CNOT11: variants seen among roughly 807,000 people sequenced by gnomAD.
The protein encoded by CNOT11 is CCR4-NOT transcription complex subunit 11.
CNOT11 carries 18 observed loss-of-function variants against 44.6 expected under a neutral mutation model. The observed-to-expected ratio is 0.40, with a 90% CI of 0.28 to 0.60. CNOT11 has a LOEUF of 0.60. CNOT11 is among the 20% of genes least tolerant of loss of function. CNOT11 has a pLI of 0.38. For missense variants in CNOT11, 513 were observed against 677.0 expected (o/e 0.76, Z 2.69); for synonymous variants, 291 against 270.9 (o/e 1.07, Z -0.73).
At chr2:101,258,090 C>A in intron 2 of CNOT11, 135 bp downstream of exon 2, 1 of 899,876 alleles carries the variant, frequency 1.1e-6, no homozygotes, top group Non-Finnish European at 1.6e-6. Flanking sequence ...AGTTTTAGTA[C>A]TGGATCTTAA....
rs564362703 is a variant in CNOT11 at position 101,270,076 on chromosome 2, GT to G, written c.*675del. ...TTACCAGGCTGTAATAGCTGGTATA[GT>G]TTTTTTTTTTTCTCTTAAGATGTTC... is the stretch of plus-strand genomic sequence containing the variant. On this transcript the variant is annotated 3_prime_UTR_variant, in exon 7 of 7. Coordinates refer to ENST00000289382, the MANE Select transcript of CNOT11 (RefSeq NM_017546.5). The G allele has an allele frequency of 9.4e-4, 138 of 147,236 alleles. No homozygotes were observed. Among genetic ancestry groups the G allele is most frequent in the Middle Eastern group, 3.5e-3 (1 of 284 alleles). 9.1% of individuals were successfully genotyped at this position (147,236 alleles called of 1,614,324 possible).
Position 101,257,964 on chromosome 2 carries a change from G to C in CNOT11, c.679+9G>C, listed in dbSNP as rs1008872041. The C allele has an allele frequency of 7.5e-6, 12 of 1,608,296 alleles. No homozygotes were observed. The highest frequency in any genetic ancestry group is 1.0e-5 in the Non-Finnish European group (12 of 1,176,816). On this transcript the variant is annotated intron_variant, in intron 2 of 6. Transcript: ENST00000289382. ...TCAGTTAGCCTTGGCCGGTAAGGAG[G>C]AATCAGTGTTTTGGGCATTTCTGTG...
At chr2:101,263,229 A>T (rs1681908950) in intron 3 of CNOT11, among the ~76,000 whole-genome samples, 1 of 152,064 alleles carries the variant, frequency 6.6e-6, no homozygotes, top group Admixed American at 6.6e-5. Context: ...AAAAAAAAAA[A>T]TACAGATTCT....
At position 101,269,527 on chromosome 2, in the gene CNOT11, A is replaced by G. The variant is rs991509750; in HGVS notation, c.*114A>G. The G allele has an allele frequency of 6.0e-6, 5 of 834,724 alleles. No homozygotes were observed. The Admixed American group carries it at 8.8e-5, about 15-fold the overall frequency. 51.7% of individuals were successfully genotyped at this position (834,724 alleles called of 1,614,324 possible). A position where few individuals can be genotyped will look rare whatever the true frequency, so the allele number is the denominator to read the frequency against. On this transcript the variant is annotated 3_prime_UTR_variant, in exon 7 of 7. Coordinates refer to ENST00000289382, the MANE Select transcript of CNOT11 (RefSeq NM_017546.5). The surrounding 1 kb of genome is among the most constrained non-coding windows in gnomAD (Gnocchi z 4.8). ...GTTTAATGCATATAAACAGTACTTT[A>G]TCTACTTAAAGCAAAGTTTTGCTTT...
Position 101,269,577 on chromosome 2 carries a change from G to A in CNOT11, c.*164G>A. On this transcript the variant is annotated 3_prime_UTR_variant, in exon 7 of 7. Transcript: ENST00000289382. This position sits in a 1 kb window ranked among gnomAD's most constrained non-coding sequence, Gnocchi z 4.8. The stretch of plus-strand genomic sequence containing the variant: ...TCTTGAATGACTTTTTCTGTGAGAT[G>A]AATTTTTGATAAGAACTAGGGAAAA... 1 of 552,298 alleles carries A rather than the reference G, an allele frequency of 1.8e-6. No individual in the cohort carries two copies. The highest frequency in any genetic ancestry group is 3.1e-5 in the South Asian group (1 of 32,774). The allele number at this position is 552,298 out of a possible 1,614,324, so 34.2% of individuals were successfully genotyped here. A position where few individuals can be genotyped will look rare whatever the true frequency, so the allele number is the denominator to read the frequency against.
Position 101,253,403 on chromosome 2 carries a change from G to A in CNOT11, c.439G>A (p.Ala147Thr). ...TEPLAANPFA[A>T]SFAHLLNPAP... is the part of the protein sequence containing the mutation. ...GCCGCTGGCCGCCAACCCCTTCGCC[G>A]CCAGCTTCGCGCACCTGCTCAACCC... The change falls in exon 1 of 7, where the codon GCC becomes ACC. Residue 147 changes from alanine (A) to threonine (T), a missense_variant. Transcript: ENST00000289382. The surrounding 1 kb of genome is among the most constrained non-coding windows in gnomAD (Gnocchi z 4.3). The A allele has an allele frequency of 2.5e-6, 4 of 1,587,184 alleles. No individual in the cohort carries two copies. The highest frequency in any genetic ancestry group is 2.3e-5 in the East Asian group (1 of 43,618).
chr2:101,258,944 G>C (rs1457935154), intron 2 of CNOT11, among the ~76,000 whole-genome samples: 1 of 152,174 alleles, frequency 6.6e-6, no homozygotes, highest in African/African-American at 2.4e-5. Context: ...GACTAGCCTG[G>C]GCAACATAAG....
At chr2:101,258,034 G>T in intron 2 of CNOT11, 79 bp downstream of exon 2, 1 of 1,366,742 alleles carries the variant, frequency 7.3e-7, no homozygotes, top group Non-Finnish European at 1.0e-6. Flanking sequence ...CTAAAATGAT[G>T]TTTTTTGTAA....
At chr2:101,263,938 A>C (rs1001058494) in intron 3 of CNOT11, among the ~76,000 whole-genome samples, 60 of 152,346 alleles carry the variant, frequency 3.9e-4, no homozygotes, top group African/African-American at 1.3e-3. Flanking sequence ...ATTGTTAAAA[A>C]CTTTATTTTT....
intron 2 of CNOT11, among the ~76,000 whole-genome samples, chr2:101,259,154 C>T (rs547435911): frequency 3.9e-5 from 6 of 152,196 alleles, no homozygotes; most frequent in Admixed American, 2.6e-4. Flanking sequence ...TAGCCAAAAC[C>T]CAACGTTCTC....
chr2:101,269,235 T>G lies in CNOT11; in HGVS notation c.1355T>G (p.Val452Gly), dbSNP rs1327789809. The change falls in exon 7 of 7, where the codon GTG becomes GGG. Residue 452 changes from valine (V) to glycine (G), a missense_variant. By Grantham distance (109) the Val-to-Gly change is moderately radical (BLOSUM62 -3). Transcript: ENST00000289382. This position sits in a 1 kb window ranked among gnomAD's most constrained non-coding sequence, Gnocchi z 4.8. Reference sequence around the variant, plus strand: ...TTTCAGAATCGGTTGGTGCGTCTTGTGTGTGTGTTTCTCCAATCCTTGATC... The same window carrying G: ...TTTCAGAATCGGTTGGTGCGTCTTGGGTGTGTGTTTCTCCAATCCTTGATC... ...KYMQNRLVRL[V>G]CVFLQSLIRN... 6.2e-7 allele frequency: 1 copy of G among 1,613,820 alleles called. No homozygotes were observed. The highest frequency in any genetic ancestry group is 1.7e-5 in the Admixed American group (1 of 59,990).
intron 5 of CNOT11, among the ~76,000 whole-genome samples, chr2:101,267,985 GAACT>G (rs1316143598): frequency 6.6e-6 from 1 of 152,160 alleles, no homozygotes; most frequent in Non-Finnish European, 1.5e-5. Flanking sequence ...ATGTGAAATT[GAACT>G]ACAGAATGTG....
chr2:101,255,368 GC>G (rs1681714999), intron 1 of CNOT11, among the ~76,000 whole-genome samples: 1 of 152,128 alleles, frequency 6.6e-6, no homozygotes, highest in South Asian at 2.1e-4. Flanking sequence ...GGTGGCGGGC[GC>G]CTGTAGTCCC....
intron 3 of CNOT11, among the ~76,000 whole-genome samples, chr2:101,263,173 T>C (rs1383731318): frequency 6.6e-6 from 1 of 151,496 alleles, no homozygotes; most frequent in Admixed American, 6.6e-5. Context: ...ATCGAACCAC[T>C]GCACTCCAGC....
At position 101,262,575 on chromosome 2, in the gene CNOT11, G is replaced by A; in HGVS notation, c.716G>A (p.Ser239Asn). The A allele has an allele frequency of 6.2e-7, 1 of 1,614,118 alleles. No homozygotes were observed. The highest frequency in any genetic ancestry group is 1.1e-5 in the South Asian group (1 of 91,080). The change falls in exon 3 of 7, where the codon AGC becomes AAC. Residue 239 changes from serine (S) to asparagine (N), a missense_variant. Coordinates refer to ENST00000289382, the MANE Select transcript of CNOT11 (RefSeq NM_017546.5). The part of the protein sequence containing the change: ...QSELPTQSKA[S>N]FPSILSDPDP... ...GAATTGCCAACGCAAAGCAAAGCGA[G>A]CTTCCCCAGTATTCTCAGTGACCCA...
intron 2 of CNOT11, 155 bp from the exon 3 acceptor site, chr2:101,262,384 G>A (rs902720173): frequency 9.8e-6 from 6 of 611,292 alleles, no homozygotes; most frequent in Non-Finnish European, 1.7e-5. Flanking sequence ...CGCTAAGTGA[G>A]GACCTGCTAT....
chr2:101,270,058 G>A lies in CNOT11; in HGVS notation c.*645G>A, dbSNP rs1682074781. On this transcript the variant is annotated 3_prime_UTR_variant, in exon 7 of 7. Transcript: ENST00000289382. ...CTTAGAAAGCTGCTTCTATTACCAGGCTGTAATAGCTGGTATAGTTTTTTT... is the reference window on the plus strand; with the variant it reads ...CTTAGAAAGCTGCTTCTATTACCAGACTGTAATAGCTGGTATAGTTTTTTT... 6.6e-6 allele frequency: 1 copy of A among 152,414 alleles called. No individual in the cohort carries two copies. Among genetic ancestry groups the A allele is most frequent in the Admixed American group, 6.6e-5 (1 of 15,266 alleles). 9.4% of individuals were successfully genotyped at this position (152,414 alleles called of 1,614,324 possible).
chr2:101,259,296 C>T (rs1681800045), intron 2 of CNOT11, among the ~76,000 whole-genome samples: 1 of 152,188 alleles, frequency 6.6e-6, no homozygotes, highest in Non-Finnish European at 1.5e-5. Context: ...TAGCTTTGTA[C>T]TAAGTTTTGA....
At chr2:101,265,984 G>A (rs762113546) in intron 4 of CNOT11, among the ~76,000 whole-genome samples, 1 of 152,144 alleles carries the variant, frequency 6.6e-6, no homozygotes, top group African/African-American at 2.4e-5. Context: ...TAATAGCAAC[G>A]TTTGTAGTTC....
Sources: allele counts gnomAD v4.1 joint callset (sites outside exome capture counted in the v4.1 genomes callset), GRCh38; gene constraint gnomAD v4.1.1; non-coding constraint Gnocchi (gnomAD v3.1); transcripts MANE v1.5; gene names NCBI Gene and HGNC (gene_info 2026-07-23, HGNC 2026-07-21).